The following CLDN7 variants were observed in gnomAD, a reference collection of about 807,000 sequenced individuals.
CLDN7 encodes claudin 7, also known as claudin-7.
In CLDN7, 15 loss-of-function variants were observed where a neutral mutation model predicts 20.3. The observed-to-expected ratio is 0.74, with a 90% CI of 0.49 to 1.14. CLDN7 has a LOEUF of 1.14. Ranked by LOEUF, CLDN7 falls within the 50% of genes most tolerant of loss-of-function variation. CLDN7 has a pLI of 0.00. For missense variants in CLDN7, 261 were observed against 274.2 expected, an observed-to-expected ratio of 0.95 and a Z score of 0.34; for synonymous variants, 117 against 106.1, an observed-to-expected ratio of 1.10 and a Z score of -0.63.
rs762972726 is a variant in CLDN7, at chr17:7,262,471, G to T, written c.-428C>A. 2 of 969,984 alleles carry T rather than the reference G, an allele frequency of 2.1e-6. No individual in the cohort carries two copies. Among genetic ancestry groups the T allele is most frequent in the Non-Finnish European group, 2.5e-6 (2 of 805,394 alleles). 60.1% of individuals were successfully genotyped at this position (969,984 alleles called of 1,614,324 possible). ...AGGTGGCTCGGAGGTGAGCCAGCAGGTGCGGGCGGACAGGTGGGGCGCACC... is the reference window on the plus strand; with the variant it reads ...AGGTGGCTCGGAGGTGAGCCAGCAGTTGCGGGCGGACAGGTGGGGCGCACC... On this transcript the variant is annotated 5_prime_UTR_variant, in exon 1 of 4. Transcript: ENST00000360325. The surrounding 1 kb of genome is among the most constrained non-coding windows in gnomAD (Gnocchi z 6.6).
At position 7,259,994 on chromosome 17, in the gene CLDN7, G is replaced by A. The variant is rs1597589090; in HGVS notation, c.*380C>T. On this transcript the variant is annotated 3_prime_UTR_variant, in exon 4 of 4. Coordinates refer to ENST00000360325, the MANE Select transcript of CLDN7 (RefSeq NM_001307.6). ...GGGGTGGGAATGAATGTCGAGATAC[G>A]AGCACCTGCATCTTTTAGTCAATTG... is the stretch of plus-strand genomic sequence containing the variant. 2.0e-5 allele frequency: 7 copies of A among 343,088 alleles called. No homozygotes were observed. Among genetic ancestry groups the A allele is most frequent in the African/African-American group, 1.1e-4 (5 of 47,616 alleles). 21.3% of individuals were successfully genotyped at this position (343,088 alleles called of 1,614,324 possible).
chr17:7,261,204 T>C lies in CLDN7; in HGVS notation c.224-219A>G, dbSNP rs915866614. On this transcript the variant is annotated intron_variant, in intron 1 of 3. Coordinates refer to ENST00000360325, the MANE Select transcript of CLDN7 (RefSeq NM_001307.6). The stretch of plus-strand genomic sequence containing the variant: ...CCTGCTCCCGCCCCGCCCTCTCCGC[T>C]CAAGGATCCGCCCGGGGCGCCGGGG... 7 of 616,764 alleles carry C rather than the reference T, an allele frequency of 1.1e-5. No individual in the cohort carries two copies. In the South Asian group the frequency reaches 1.4e-4, roughly 12 times the overall value. 38.2% of individuals were successfully genotyped at this position (616,764 alleles called of 1,614,324 possible).
In CLDN7 at chr17:7,262,033, G is replaced by C; in HGVS notation, c.11C>G (p.Ser4Trp). The C allele has an allele frequency of 6.2e-7, 1 of 1,611,242 alleles. No homozygotes were observed. Among genetic ancestry groups the C allele is most frequent in the South Asian group, 1.1e-5 (1 of 90,716 alleles). Residue 4 changes from serine (S) to tryptophan (W), a missense_variant, in exon 1 of 4, where the codon TCG becomes TGG. Ser to Trp is a radical substitution (Grantham distance 177). Transcript: ENST00000360325. The surrounding 1 kb of genome is among the most constrained non-coding windows in gnomAD (Gnocchi z 6.6). MAN[S>W]GLQLLGFSMA... is the part of the protein sequence containing the mutation. ...GGAGAAGCCCAGCAACTGCAGGCCC[G>C]AATTGGCCATTTCCGCCCTCAGAAA...
intron 2 of CLDN7, 34 bp from the exon 3 acceptor site, chr17:7,260,760 G>A (rs2072196483): frequency 6.2e-7 from 1 of 1,614,106 alleles, no homozygotes; most frequent in East Asian, 2.2e-5. Context: ...GTATAGTGAG[G>A]CCCCAAATGG....
Position 7,262,078 on chromosome 17 carries a change from G to T in CLDN7, c.-35C>A. 6.9e-7 allele frequency: 1 copy of T among 1,446,358 alleles called. No individual in the cohort carries two copies. The highest frequency in any genetic ancestry group is 2.5e-5 in the East Asian group (1 of 39,276). The allele number at this position is 1,446,358 out of a possible 1,614,324, so 89.6% of individuals were successfully genotyped here. A position where few individuals can be genotyped will look rare whatever the true frequency, so the allele number is the denominator to read the frequency against. On this transcript the variant is annotated 5_prime_UTR_variant, in exon 1 of 4. Transcript: ENST00000360325. This position sits in a 1 kb window ranked among gnomAD's most constrained non-coding sequence, Gnocchi z 6.6. ...CAGAAAACACTGGGGGCGCCGGGCGGGGAGACCCTACAGTAAAACAAACGA... is the reference window on the plus strand; with the variant it reads ...CAGAAAACACTGGGGGCGCCGGGCGTGGAGACCCTACAGTAAAACAAACGA...
chr17:7,262,138 G>A lies in CLDN7; in HGVS notation c.-95C>T, dbSNP rs975237626. On this transcript the variant is annotated 5_prime_UTR_variant, in exon 1 of 4. Coordinates refer to ENST00000360325, the MANE Select transcript of CLDN7 (RefSeq NM_001307.6). The surrounding 1 kb of genome is among the most constrained non-coding windows in gnomAD (Gnocchi z 6.6). ...GGCAGCCCCACAAAAGAAAACTTGA[G>A]GTGGAGTTTTCCGGTCACCCAAAGA... The A allele has an allele frequency of 1.3e-6, 2 of 1,490,240 alleles. No individual in the cohort carries two copies. The highest frequency in any genetic ancestry group is 1.8e-6 in the Non-Finnish European group (2 of 1,122,048). 92.3% of individuals were successfully genotyped at this position (1,490,240 alleles called of 1,614,324 possible).
rs745598038 is a variant in CLDN7, at chr17:7,261,815, C to A, written c.223+6G>T. On this transcript the variant is annotated splice_donor_region_variant and intron_variant, in intron 1 of 3. Coordinates refer to ENST00000360325, the MANE Select transcript of CLDN7 (RefSeq NM_001307.6). The stretch of plus-strand genomic sequence containing the variant: ...CGCGTCCGCCCCGTCGGTCCCGCGG[C>A]CTTACCGGACAGGGCGAGCACCGAG... 35 of 1,611,568 alleles carry A rather than the reference C, an allele frequency of 2.2e-5. No homozygotes were observed. Among genetic ancestry groups the A allele is most frequent in the Non-Finnish European group, 2.9e-5 (34 of 1,179,960 alleles).
Position 7,261,951 on chromosome 17 carries a change from C to T in CLDN7, c.93G>A (p.Gln31=), listed in dbSNP as rs768686747. The change falls in exon 1 of 4, where the codon CAG becomes CAA. Residue 31 remains glutamine (Q), a synonymous_variant. Coordinates refer to ENST00000360325, the MANE Select transcript of CLDN7 (RefSeq NM_001307.6). ...LVACTAIPQW[Q]MSSYAGDNII... ...TGTTGTCACCCGCATAGGAGCTCAT[C>T]TGCCACTGCGGGATGGCGGTGCAGG... The T allele has an allele frequency of 1.2e-6, 2 of 1,614,186 alleles. No individual in the cohort carries two copies. The highest frequency in any genetic ancestry group is 1.1e-5 in the South Asian group (1 of 91,072).
At chr17:7,260,750 G>A (rs780034815) in intron 2 of CLDN7, 24 bp from the exon 3 acceptor site, 3 of 1,614,218 alleles carry the variant, frequency 1.9e-6, no homozygotes, top group Admixed American at 3.3e-5. Context: ...GAGGGTTTCA[G>A]TATAGTGAGG....
At position 7,261,953 on chromosome 17, in the gene CLDN7, G is replaced by A; in HGVS notation, c.91C>T (p.Gln31Ter). Reference sequence around the variant, plus strand: ...TTGTCACCCGCATAGGAGCTCATCTGCCACTGCGGGATGGCGGTGCAGGCC... The same window carrying A: ...TTGTCACCCGCATAGGAGCTCATCTACCACTGCGGGATGGCGGTGCAGGCC... ...LVACTAIPQW[Q>*]MSSYAGDNII... is the part of the protein sequence containing the mutation. Residue 31 changes from glutamine (Q) to a stop codon, truncating the protein, a stop_gained, in exon 1 of 4, where the codon CAG becomes TAG. Coordinates refer to ENST00000360325, the MANE Select transcript of CLDN7 (RefSeq NM_001307.6). LOFTEE classifies it high-confidence loss of function. 1 of 1,614,134 alleles carries A rather than the reference G, an allele frequency of 6.2e-7. No individual in the cohort carries two copies. The highest frequency in any genetic ancestry group is 1.1e-5 in the South Asian group (1 of 91,068).
Position 7,260,453 on chromosome 17 carries a change from C to G in CLDN7, c.557G>C (p.Cys186Ser). The G allele has an allele frequency of 3.7e-6, 6 of 1,613,828 alleles. No homozygotes were observed. Among genetic ancestry groups the G allele is most frequent in the Non-Finnish European group, 4.2e-6 (5 of 1,179,922 alleles). The part of the protein sequence containing the change: ...ILGGALLSCS[C>S]PGNESKAGYR... ...CCCAGCCTTGCTCTCATTCCCAGGA[C>G]AGGAACAGGAGAGCAGTGCACCTCC... is the stretch of plus-strand genomic sequence containing the variant. The change falls in exon 4 of 4, where the codon TGT becomes TCT. Residue 186 changes from cysteine (C) to serine (S), a missense_variant. This residue lies in a region of CLDN7 where 215 missense variants were observed against 199.6 expected (regional missense o/e 1.08). Transcript: ENST00000360325.
Position 7,260,285 on chromosome 17 carries a change from C to T in CLDN7, c.*89G>A. ...GTGACCAGGAGGCCTTTGTCCGGCA[C>T]CCTGCCCACAGGCTGAGCTCAGCCC... On this transcript the variant is annotated 3_prime_UTR_variant, in exon 4 of 4. Transcript: ENST00000360325. The T allele has an allele frequency of 1.4e-6, 2 of 1,418,626 alleles. No homozygotes were observed. The highest frequency in any genetic ancestry group is 2.3e-5 in the East Asian group (1 of 43,064). The allele number at this position is 1,418,626 out of a possible 1,614,324, so 87.9% of individuals were successfully genotyped here.
Position 7,261,833 on chromosome 17 carries a change from G to C in CLDN7, c.211C>G (p.Leu71Val), listed in dbSNP as rs373360250. 2 of 1,613,032 alleles carry C rather than the reference G, an allele frequency of 1.2e-6. No homozygotes were observed. The highest frequency in any genetic ancestry group is 2.7e-5 in the African/African-American group (2 of 74,962). ...MMSCKMYDSV[L>V]ALSAALQATR... ...CCCGCGGCCTTACCGGACAGGGCGA[G>C]CACCGAGTCGTACATTTTGCAGCTC... Residue 71 changes from leucine to valine, a missense_variant, in exon 1 of 4, where the codon CTC (leucine) becomes GTC (valine). Around this residue, in one of 2 missense-constraint regions of CLDN7, gnomAD observed 215 missense variants for 199.6 expected, o/e 1.08. Transcript: ENST00000360325.
chr17:7,260,491 G>T lies in CLDN7; in HGVS notation c.519C>A (p.Ala173=). 6.2e-7 allele frequency: 1 copy of T among 1,612,734 alleles called. No individual in the cohort carries two copies. The change falls in exon 4 of 4, where the codon GCC becomes GCA. Residue 173 remains alanine, a synonymous_variant. Transcript: ENST00000360325. ...PAIFIGWAGS[A]LVILGGALLS... is the part of the protein sequence containing the mutation. ...GCAGTGCACCTCCCAGGATGACTAG[G>T]GCAGACCCTGCCCAGCCAATAAAGA...
At position 7,262,474 on chromosome 17, in the gene CLDN7, C is replaced by T. The variant is rs1309920638; in HGVS notation, c.-431G>A. 4 of 955,706 alleles carry T rather than the reference C, an allele frequency of 4.2e-6. No homozygotes were observed. The African/African-American group carries it at 5.3e-5, about 13-fold the overall frequency. 59.2% of individuals were successfully genotyped at this position (955,706 alleles called of 1,614,324 possible). A position where few individuals can be genotyped will look rare whatever the true frequency, so the allele number is the denominator to read the frequency against. On this transcript the variant is annotated 5_prime_UTR_variant, in exon 1 of 4. Transcript: ENST00000360325. The surrounding 1 kb of genome is among the most constrained non-coding windows in gnomAD (Gnocchi z 6.6). ...TGGCTCGGAGGTGAGCCAGCAGGTG[C>T]GGGCGGACAGGTGGGGCGCACCTGA...
chr17:7,261,264 G>A, intron 1 of CLDN7: 1 of 491,208 alleles, frequency 2.0e-6, no homozygotes, highest in South Asian at 2.4e-5. Flanking sequence ...GGGGAAGGGT[G>A]AAAGGGTGCA....
In CLDN7 at chr17:7,260,151, AT is replaced by A; in HGVS notation, c.*222del. ...GAAAAAAGCCTGCTTCCCAATACTT[AT>A]TTTTTATTACTGTACAAAAAGCACA... is the stretch of plus-strand genomic sequence containing the variant. On this transcript the variant is annotated 3_prime_UTR_variant, in exon 4 of 4. Transcript: ENST00000360325. 1 of 445,422 alleles carries A rather than the reference AT, an allele frequency of 2.2e-6. No homozygotes were observed. Among genetic ancestry groups the A allele is most frequent in the Non-Finnish European group, 3.9e-6 (1 of 253,766 alleles). The allele number at this position is 445,422 out of a possible 1,614,324, so 27.6% of individuals were successfully genotyped here.
rs2072236701 is a variant in CLDN7 at position 7,262,108 on chromosome 17, T to TG, written c.-66dup. 4 of 1,531,622 alleles carry TG rather than the reference T, an allele frequency of 2.6e-6. No homozygotes were observed. Among genetic ancestry groups the TG allele is most frequent in the South Asian group, 1.2e-5 (1 of 82,762 alleles). The allele number at this position is 1,531,622 out of a possible 1,614,324, so 94.9% of individuals were successfully genotyped here. On this transcript the variant is annotated 5_prime_UTR_variant, in exon 1 of 4. Coordinates refer to ENST00000360325, the MANE Select transcript of CLDN7 (RefSeq NM_001307.6). The surrounding 1 kb of genome is among the most constrained non-coding windows in gnomAD (Gnocchi z 6.6). Reference sequence around the variant, plus strand: ...ACCCTACAGTAAAACAAACGACACTTGGGGGGCAGCCCCACAAAAGAAAAC... The same window carrying TG: ...ACCCTACAGTAAAACAAACGACACTTGGGGGGGCAGCCCCACAAAAGAAAAC...
In CLDN7 at chr17:7,260,984, C is replaced by G; in HGVS notation, c.225G>C (p.Ala75=). 6.2e-7 allele frequency: 1 copy of G among 1,608,310 alleles called. No individual in the cohort carries two copies. Among genetic ancestry groups the G allele is most frequent in the South Asian group, 1.1e-5 (1 of 90,810 alleles). Residue 75 remains alanine (A), a splice_region_variant and synonymous_variant, in exon 2 of 4, where the codon GCG becomes GCC. Coordinates refer to ENST00000360325, the MANE Select transcript of CLDN7 (RefSeq NM_001307.6). ...KMYDSVLALS[A]ALQATRALMV... is the part of the protein sequence containing the mutation. ...TTAGGGCTCGAGTGGCCTGCAAGGC[C>G]GCTGCGGGCGAGGGGAAAGGGCGCC...
Sources: gnomAD v4.1 joint callset for allele counts on GRCh38, gnomAD v4.1.1 for gene constraint, gnomAD v4.1.1 regional missense constraint, Gnocchi (gnomAD v3.1) non-coding constraint, MANE v1.5 for transcripts, NCBI Gene and HGNC (gene_info 2026-07-23, HGNC 2026-07-21) for gene names.